SEC22A: variants seen among roughly 807,000 people sequenced by gnomAD.
SEC22A encodes vesicle-trafficking protein SEC22a.
Under a neutral mutation model 35.3 loss-of-function variants are expected in SEC22A, and 22 were observed. The ratio of observed to expected loss-of-function variants is 0.62; its 90% CI spans 0.45 to 0.89. SEC22A has a LOEUF of 0.89. SEC22A is among the 40% of genes least tolerant of loss of function. The probability of loss-of-function intolerance (pLI) is 0.00; values close to 1 mark genes in which losing one functional copy is unlikely to be tolerated. For synonymous variants in SEC22A, 119 were observed against 129.5 expected, an observed-to-expected ratio of 0.92 and a Z score of 0.55; for missense variants, 354 against 362.5, an observed-to-expected ratio of 0.98 and a Z score of 0.19.
chr3:123,213,306 TTGTG>T (rs1167010553), intron 2 of SEC22A, among the ~76,000 whole-genome samples: 3 of 152,210 alleles, frequency 2.0e-5, no homozygotes, highest in African/African-American at 7.2e-5. Context: ...AATTGAGAAT[TTGTG>T]TGTGTTACCT....
intron 1 of SEC22A, among the ~76,000 whole-genome samples, chr3:123,205,746 T>C (rs1292353728): frequency 6.6e-6 from 1 of 152,184 alleles, no homozygotes; most frequent in East Asian, 1.9e-4. Context: ...TGTCCAACTT[T>C]AGTTTTCCAG....
intron 2 of SEC22A, among the ~76,000 whole-genome samples, chr3:123,217,383 AT>A (rs11337123): frequency 0.2 from 29,326 of 144,382 alleles, 2,949 homozygotes; most frequent in Middle Eastern, 0.28. Context: ...GTATTTTTTT[AT>A]TTTTTTTTTT....
At position 123,223,552 on chromosome 3, in the gene SEC22A, A is replaced by G. The variant is rs200916160; in HGVS notation, c.183-7A>G. The G allele has an allele frequency of 3.7e-6, 6 of 1,608,554 alleles. No homozygotes were observed. Among genetic ancestry groups the G allele is most frequent in the East Asian group, 2.2e-5 (1 of 44,822 alleles). On this transcript the variant is annotated splice_polypyrimidine_tract_variant and splice_region_variant and intron_variant, in intron 2 of 6. Coordinates refer to ENST00000492595, the MANE Select transcript of SEC22A (RefSeq NM_012430.5). Reference sequence around the variant, plus strand: ...AAATTTTAAAACCAATGTTTTTTACACTGTAGTTTTATTAGCTCTCTGGGA... The same window carrying G: ...AAATTTTAAAACCAATGTTTTTTACGCTGTAGTTTTATTAGCTCTCTGGGA...
At chr3:123,209,625 C>T (rs1297605058) in intron 2 of SEC22A, among the ~76,000 whole-genome samples, 1 of 152,162 alleles carries the variant, frequency 6.6e-6, no homozygotes, top group Non-Finnish European at 1.5e-5. Flanking sequence ...ATAGATATCC[C>T]TCTTTTAAGT....
At chr3:123,234,678 G>C (rs1264198854) in intron 4 of SEC22A, among the ~76,000 whole-genome samples, 1 of 152,082 alleles carries the variant, frequency 6.6e-6, no homozygotes, top group African/African-American at 2.4e-5. Flanking sequence ...ATAAATCTTT[G>C]TATAATCTTA....
intron 4 of SEC22A, among the ~76,000 whole-genome samples, chr3:123,228,459 C>T (rs1033854349): frequency 2.7e-5 from 4 of 148,770 alleles, no homozygotes; most frequent in African/African-American, 9.9e-5. Context: ...CCTGTAATCC[C>T]AGCTACACGA....
intron 5 of SEC22A, among the ~76,000 whole-genome samples, chr3:123,247,801 T>C (rs967925311): frequency 6.6e-6 from 1 of 152,240 alleles, no homozygotes; most frequent in African/African-American, 2.4e-5. Context: ...ACCATGAATA[T>C]TGATACAAAA....
At chr3:123,210,462 G>A (rs1161885006) in intron 2 of SEC22A, among the ~76,000 whole-genome samples, 4 of 152,156 alleles carry the variant, frequency 2.6e-5, no homozygotes, top group Admixed American at 6.5e-5. Flanking sequence ...GGATAAGTGC[G>A]TCTCCTTGGT....
intron 2 of SEC22A, among the ~76,000 whole-genome samples, chr3:123,221,903 A>G (rs1027172798): frequency 1.3e-5 from 2 of 151,874 alleles, no homozygotes; most frequent in African/African-American, 4.8e-5. Flanking sequence ...TAACTATCTG[A>G]TTTATTTTTT....
Position 123,246,022 on chromosome 3 carries a change from G to T in SEC22A, c.657+8G>T. On this transcript the variant is annotated splice_region_variant and intron_variant, in intron 5 of 6. Transcript: ENST00000492595. The stretch of plus-strand genomic sequence containing the variant: ...ATAGAAAGTCTCCTGCAGGTACTGT[G>T]CTATTTTTGCAATTTCAGGTGACTG... The T allele has an allele frequency of 6.7e-7, 1 of 1,496,146 alleles. No homozygotes were observed. The highest frequency in any genetic ancestry group is 9.3e-7 in the Non-Finnish European group (1 of 1,076,702). 92.7% of individuals were successfully genotyped at this position (1,496,146 alleles called of 1,614,324 possible). A position where few individuals can be genotyped will look rare whatever the true frequency, so the allele number is the denominator to read the frequency against.
chr3:123,226,892 T>C (rs1374738803), intron 4 of SEC22A, among the ~76,000 whole-genome samples: 1 of 152,210 alleles, frequency 6.6e-6, no homozygotes, highest in Non-Finnish European at 1.5e-5. Context: ...TCTTTGTATA[T>C]GGCTAGGAAA....
chr3:123,209,571 T>A (rs1936905530), intron 2 of SEC22A, among the ~76,000 whole-genome samples, 172 bp downstream of exon 2: 1 of 152,254 alleles, frequency 6.6e-6, no homozygotes. Context: ...CTTTTTGTAG[T>A]TTCTTTGTAT....
At chr3:123,250,422 A>C (rs1343824342) in intron 5 of SEC22A, among the ~76,000 whole-genome samples, 2 of 152,136 alleles carry the variant, frequency 1.3e-5, no homozygotes, top group African/African-American at 4.8e-5. Context: ...AAAAAAAATA[A>C]AAAAATAAGA....
At chr3:123,252,001 C>G (rs1937619872) in intron 5 of SEC22A, among the ~76,000 whole-genome samples, 1 of 152,106 alleles carries the variant, frequency 6.6e-6, no homozygotes, top group African/African-American at 2.4e-5. Context: ...CAATGATAAA[C>G]TTTAGAGGTT....
intron 6 of SEC22A, among the ~76,000 whole-genome samples, chr3:123,268,702 T>C (rs1938079576): frequency 6.6e-6 from 1 of 152,222 alleles, no homozygotes; most frequent in South Asian, 2.1e-4. Context: ...GAATTTAACA[T>C]TGATACAATA....
At chr3:123,218,272 A>G (rs949377146) in intron 2 of SEC22A, among the ~76,000 whole-genome samples, 10 of 152,198 alleles carry the variant, frequency 6.6e-5, no homozygotes, top group South Asian at 4.1e-4. Context: ...AACCAAAAAT[A>G]TAATGAAATT....
At chr3:123,265,286 G>T (rs1938001412) in intron 6 of SEC22A, among the ~76,000 whole-genome samples, 1 of 152,002 alleles carries the variant, frequency 6.6e-6, no homozygotes, top group African/African-American at 2.4e-5. Flanking sequence ...TCTGAGGGAG[G>T]TCCTGAAACC....
At chr3:123,215,339 C>T (rs953757583) in intron 2 of SEC22A, among the ~76,000 whole-genome samples, 1 of 152,190 alleles carries the variant, frequency 6.6e-6, no homozygotes, top group African/African-American at 2.4e-5. Context: ...CAGACAGCTC[C>T]AGGCTTACTT....
intron 5 of SEC22A, among the ~76,000 whole-genome samples, chr3:123,257,078 C>G (rs552180802): frequency 6.6e-6 from 1 of 152,018 alleles, no homozygotes; most frequent in South Asian, 2.1e-4. Flanking sequence ...CTTTTCTGTA[C>G]TAGGGATAGT....
Sources: allele counts gnomAD v4.1 joint callset (sites outside exome capture counted in the v4.1 genomes callset), GRCh38; gene constraint gnomAD v4.1.1; transcripts MANE v1.5; gene names NCBI Gene and HGNC (gene_info 2026-07-23, HGNC 2026-07-21).